PTPRN2: variants seen among roughly 807,000 people sequenced by gnomAD.
The protein encoded by PTPRN2 is receptor-type tyrosine-protein phosphatase N2.
A neutral mutation model predicts 118.8 loss-of-function variants in PTPRN2; 74 were observed. The ratio of observed to expected loss-of-function variants is 0.62; its 90% CI spans 0.52 to 0.76. The LOEUF (loss-of-function observed/expected upper bound fraction) is 0.76, where lower values mean the gene tolerates loss of function less well. Ranked by LOEUF, PTPRN2 falls within the 30% of genes least tolerant of loss-of-function variation. The probability of loss-of-function intolerance (pLI) is 0.00; values close to 1 mark genes in which losing one functional copy is unlikely to be tolerated. For synonymous variants in PTPRN2, 641 were observed against 608.0 expected (o/e 1.05, Z -0.80); for missense variants, 1,481 against 1,394.4 (o/e 1.06, Z -0.99).
At chr7:158,440,558 CGGT>C (rs1554502878) in intron 2 of PTPRN2, among the ~76,000 whole-genome samples, 1 of 142,302 alleles carries the variant, frequency 7.0e-6, no homozygotes, top group Non-Finnish European at 1.5e-5. Context: ...GCAGTGGCGG[CGGT>C]GGTGGTGATA....
chr7:158,430,562 G>A (rs557587197), intron 2 of PTPRN2, among the ~76,000 whole-genome samples: 33 of 152,358 alleles, frequency 2.2e-4, no homozygotes, highest in South Asian at 1.9e-3. Context: ...TCACTGCATG[G>A]GAGTGCATTG....
At chr7:158,205,680 G>A (rs1423616709) in intron 3 of PTPRN2, among the ~76,000 whole-genome samples, 1 of 152,202 alleles carries the variant, frequency 6.6e-6, no homozygotes, top group Non-Finnish European at 1.5e-5. Context: ...AGGCACTGAA[G>A]AGGGTGGAAA....
In PTPRN2 at chr7:158,192,449, C is replaced by G. The variant is rs574738527; in HGVS notation, c.427G>C (p.Gly143Arg). 2 of 1,569,576 alleles carry G rather than the reference C, an allele frequency of 1.3e-6. No individual in the cohort carries two copies. Among genetic ancestry groups the G allele is most frequent in the Non-Finnish European group, 1.7e-6 (2 of 1,164,388 alleles). ...AGGGCGTTGGCCAGGGCAGCACCGC[C>G]CTCCCGACTGTACCTCCTCTCGCTG... ...VGSERRYSRE[G>R]GAALANALRR... The change falls in exon 5 of 23, where the codon GGC (glycine) becomes CGC (arginine). Residue 143 changes from glycine (G) to arginine (R), a missense_variant. Transcript: ENST00000389418.
intron 17 of PTPRN2, among the ~76,000 whole-genome samples, chr7:157,592,228 A>G (rs1303777702): frequency 6.6e-6 from 1 of 152,258 alleles, no homozygotes; most frequent in Admixed American, 6.5e-5. Flanking sequence ...CACTGATCAA[A>G]TGAATTGCCT....
intron 1 of PTPRN2, among the ~76,000 whole-genome samples, chr7:158,564,261 A>C (rs1396990043): frequency 2.2e-5 from 2 of 90,508 alleles, no homozygotes; most frequent in East Asian, 6.5e-4. Context: ...GTATTATGAC[A>C]AAAAAAAAGG....
chr7:157,670,903 G>A (rs575998391), intron 13 of PTPRN2, among the ~76,000 whole-genome samples: 2 of 152,160 alleles, frequency 1.3e-5, no homozygotes, highest in Non-Finnish European at 2.9e-5. Flanking sequence ...AGTAGAGAAC[G>A]GGCAGCTGTT....
chr7:158,011,556 A>AT (rs1236586504), intron 11 of PTPRN2, among the ~76,000 whole-genome samples: 1 of 152,256 alleles, frequency 6.6e-6, no homozygotes, highest in Non-Finnish European at 1.5e-5. Context: ...AATTAAGAAC[A>AT]TATCATGATG....
In PTPRN2 at chr7:157,622,079, A is replaced by C. The variant is rs980243986; in HGVS notation, c.2197-570T>G. ...TGAGCATTACTATGAGTAGACAAGG[A>C]AACAAAGGCCTCCTGAAAATTCCCT... On this transcript the variant is annotated intron_variant, in intron 14 of 22. Transcript: ENST00000389418. The surrounding 1 kb of genome is among the most constrained non-coding windows in gnomAD (Gnocchi z 5.3). 3.3e-5 allele frequency among the ~76,000 whole-genome samples: 5 copies of C among 152,110 alleles called. No individual in the cohort carries two copies. The highest frequency in any genetic ancestry group is 7.4e-5 in the Non-Finnish European group (5 of 68,014).
At chr7:157,546,448 G>A (rs988057215) in intron 22 of PTPRN2, among the ~76,000 whole-genome samples, 5 of 152,096 alleles carry the variant, frequency 3.3e-5, no homozygotes, top group East Asian at 1.9e-4. Flanking sequence ...CCACTGACAG[G>A]CCCCAGTGTG....
intron 6 of PTPRN2, among the ~76,000 whole-genome samples, chr7:158,163,183 G>C (rs759340010): frequency 6.6e-6 from 1 of 152,208 alleles, no homozygotes; most frequent in South Asian, 2.1e-4. Flanking sequence ...GGTGATGCCT[G>C]TACGGGGTTC....
chr7:158,464,937 A>G (rs1450359214), intron 2 of PTPRN2, among the ~76,000 whole-genome samples: 2 of 152,244 alleles, frequency 1.3e-5, no homozygotes, highest in Non-Finnish European at 1.5e-5. Context: ...ATTGACCTTC[A>G]GATCAATGTA....
chr7:158,538,340 G>T (rs1825772498), intron 1 of PTPRN2, among the ~76,000 whole-genome samples: 2 of 152,368 alleles, frequency 1.3e-5, no homozygotes, highest in Middle Eastern at 6.8e-3. Flanking sequence ...TAACCCCAGT[G>T]GTTCTCCTCC....
intron 12 of PTPRN2, among the ~76,000 whole-genome samples, chr7:157,889,705 C>A (rs1183950736): frequency 6.6e-6 from 1 of 152,256 alleles, no homozygotes; most frequent in Non-Finnish European, 1.5e-5. Flanking sequence ...ACTTAGCCAC[C>A]CACTCAGCAT....
At chr7:158,021,971 G>A (rs772698627) in intron 11 of PTPRN2, among the ~76,000 whole-genome samples, 20 of 152,142 alleles carry the variant, frequency 1.3e-4, no homozygotes, top group Non-Finnish European at 2.1e-4. Flanking sequence ...GCAGAGAAAT[G>A]GCTGCTGCTA....
intron 11 of PTPRN2, among the ~76,000 whole-genome samples, chr7:157,955,297 C>T (rs4716830): frequency 0.11 from 16,429 of 152,058 alleles, 1,484 homozygotes; most frequent in East Asian, 0.35. Flanking sequence ...TGGAGAAAAG[C>T]AATTCCAAGG....
At chr7:158,270,892 C>G (rs1226831616) in intron 3 of PTPRN2, among the ~76,000 whole-genome samples, 34 of 84,122 alleles carry the variant, frequency 4.0e-4, no homozygotes, top group East Asian at 1.2e-3. Context: ...GGATGACCCC[C>G]TCCACCTGGA....
At chr7:158,108,013 C>A (rs1251586515) in intron 10 of PTPRN2, among the ~76,000 whole-genome samples, 1 of 151,500 alleles carries the variant, frequency 6.6e-6, no homozygotes, top group Non-Finnish European at 1.5e-5. Context: ...CTACTGCAGG[C>A]CCACACACCT....
intron 19 of PTPRN2, among the ~76,000 whole-genome samples, chr7:157,575,962 C>T (rs942878113): frequency 2.0e-5 from 3 of 152,192 alleles, no homozygotes; most frequent in Admixed American, 1.3e-4. Flanking sequence ...CGACTGTTTA[C>T]CACAATCAAA....
intron 6 of PTPRN2, among the ~76,000 whole-genome samples, chr7:158,153,578 G>A (rs139130750): frequency 0.024 from 3,707 of 152,264 alleles, 132 homozygotes; most frequent in African/African-American, 0.08. Context: ...CCCATCGCAC[G>A]CCCTGTGAGG....
Sources: allele counts gnomAD v4.1 joint callset (sites outside exome capture counted in the v4.1 genomes callset), GRCh38; gene constraint gnomAD v4.1.1; non-coding constraint Gnocchi (gnomAD v3.1); transcripts MANE v1.5; gene names NCBI Gene and HGNC (gene_info 2026-07-23, HGNC 2026-07-21).